RORA: variants seen among roughly 807,000 people sequenced by gnomAD.
The protein encoded by RORA is nuclear receptor ROR-alpha.
A neutral mutation model predicts 69.5 loss-of-function variants in RORA; 7 were observed. The observed-to-expected ratio is 0.10, with a 90% CI of 0.06 to 0.19. The LOEUF is 0.19. RORA is among the 10% of genes least tolerant of loss of function. The pLI, the probability that RORA is intolerant of heterozygous loss-of-function variation, is 1.00. For synonymous variants in RORA, 261 were observed against 240.8 expected (o/e 1.08, Z -0.78); for missense variants, 457 against 663.0 (o/e 0.69, Z 3.41).
At chr15:60,699,806 A>G (rs2070956691) in intron 1 of RORA, among the ~76,000 whole-genome samples, 1 of 152,056 alleles carries the variant, frequency 6.6e-6, no homozygotes. Flanking sequence ...ATGATATTTT[A>G]ATATTTACCA....
At chr15:60,752,126 T>C (rs1041729156) in intron 1 of RORA, among the ~76,000 whole-genome samples, 6 of 151,370 alleles carry the variant, frequency 4.0e-5, no homozygotes, top group Non-Finnish European at 8.8e-5. Flanking sequence ...AATGGGCTAG[T>C]ATGGGAAAGA....
At chr15:60,814,792 C>T (rs577771385) in intron 1 of RORA, among the ~76,000 whole-genome samples, 4 of 152,184 alleles carry the variant, frequency 2.6e-5, no homozygotes, top group Non-Finnish European at 5.9e-5. Flanking sequence ...TACCTATCAG[C>T]TTCTCTCTGT....
intron 1 of RORA, among the ~76,000 whole-genome samples, chr15:61,087,686 A>G (rs1283312230): frequency 6.6e-6 from 1 of 152,226 alleles, no homozygotes; most frequent in African/African-American, 2.4e-5. Context: ...ATCACATTCA[A>G]TTGTCACTAA....
At chr15:60,909,306 T>C (rs556671771) in intron 1 of RORA, among the ~76,000 whole-genome samples, 25 of 152,312 alleles carry the variant, frequency 1.6e-4, no homozygotes, top group Non-Finnish European at 3.5e-4. Flanking sequence ...TGAGCTGTTC[T>C]GAGGAGTCAG....
At chr15:60,862,247 G>C (rs915178589) in intron 1 of RORA, among the ~76,000 whole-genome samples, 2 of 152,230 alleles carry the variant, frequency 1.3e-5, no homozygotes, top group African/African-American at 4.8e-5. Flanking sequence ...ACCTCTTACA[G>C]GTAACAGTAC....
chr15:60,877,449 T>G (rs1481248338), intron 1 of RORA, among the ~76,000 whole-genome samples: 1 of 152,236 alleles, frequency 6.6e-6, no homozygotes, highest in East Asian at 1.9e-4. Flanking sequence ...ACAAATGTTC[T>G]TCCCCTGAGA....
In RORA at chr15:60,542,744, A is replaced by G. The variant is rs139810912; in HGVS notation, c.197-10893T>C. On this transcript the variant is annotated intron_variant, in intron 2 of 10. Transcript: ENST00000335670. Reference sequence around the variant, plus strand: ...ACGGCACACAGGCACACCTCAAACGACACACGGGCACACCTCACACACAAG... The same window carrying G: ...ACGGCACACAGGCACACCTCAAACGGCACACGGGCACACCTCACACACAAG... 5.8e-3 allele frequency among the ~76,000 whole-genome samples: 833 copies of G among 143,856 alleles called. 49 individuals carry two copies. The highest frequency in any genetic ancestry group is 0.023 in the African/African-American group (791 of 34,478). The allele number at this position is 143,856 out of a possible 152,430, so 94.4% of individuals were successfully genotyped here.
At chr15:60,914,946 T>A (rs1459190535) in intron 1 of RORA, among the ~76,000 whole-genome samples, 1 of 152,196 alleles carries the variant, frequency 6.6e-6, no homozygotes, top group African/African-American at 2.4e-5. Flanking sequence ...TTGGGCCAAA[T>A]GCTTCCACCT....
At chr15:60,633,402 TTATAA>T (rs1321255424) in intron 2 of RORA, among the ~76,000 whole-genome samples, 4 of 152,252 alleles carry the variant, frequency 2.6e-5, no homozygotes, top group Admixed American at 1.3e-4. Flanking sequence ...TTTCTTTAAC[TTATAA>T]TATATAGAAA....
chr15:60,652,827 C>T (rs2070164349), intron 2 of RORA, among the ~76,000 whole-genome samples: 1 of 152,178 alleles, frequency 6.6e-6, no homozygotes, highest in Non-Finnish European at 1.5e-5. Flanking sequence ...ACAAATAGGT[C>T]CATTTTTAGA....
intron 1 of RORA, among the ~76,000 whole-genome samples, chr15:60,801,757 G>A (rs1297773070): frequency 6.6e-6 from 1 of 152,182 alleles, no homozygotes; most frequent in Admixed American, 6.5e-5. Flanking sequence ...GTGGTTGTTC[G>A]TGGGCTTTTT....
chr15:61,124,986 A>G (rs1454772580), intron 1 of RORA, among the ~76,000 whole-genome samples: 1 of 152,222 alleles, frequency 6.6e-6, no homozygotes, highest in Non-Finnish European at 1.5e-5. Context: ...CACCCCTGCA[A>G]AAACGCAAAA....
At chr15:60,760,977 G>A (rs536692914) in intron 1 of RORA, among the ~76,000 whole-genome samples, 1 of 152,178 alleles carries the variant, frequency 6.6e-6, no homozygotes, top group African/African-American at 2.4e-5. Context: ...TTTGTATGAC[G>A]CTGCCTAATT....
intron 1 of RORA, among the ~76,000 whole-genome samples, chr15:60,980,159 T>C (rs1418809288): frequency 1.3e-5 from 2 of 152,194 alleles, no homozygotes; most frequent in African/African-American, 4.8e-5. Context: ...CCCTCTTCAT[T>C]GTATTAATAT....
chr15:61,201,127 A>G (rs932834876), intron 1 of RORA, among the ~76,000 whole-genome samples: 4 of 152,172 alleles, frequency 2.6e-5, no homozygotes, highest in South Asian at 2.1e-4. Flanking sequence ...ATTTCTTGGA[A>G]GCTCCACACA....
At chr15:60,587,993 A>C (rs1269590354) in intron 2 of RORA, among the ~76,000 whole-genome samples, 1 of 152,200 alleles carries the variant, frequency 6.6e-6, no homozygotes, top group Non-Finnish European at 1.5e-5. Context: ...AAAAGCTCTG[A>C]CTACGACTCT....
At chr15:61,037,778 G>T (rs1345777132) in intron 1 of RORA, among the ~76,000 whole-genome samples, 1 of 152,180 alleles carries the variant, frequency 6.6e-6, no homozygotes, top group African/African-American at 2.4e-5. Context: ...AAGGCAAGGT[G>T]GCCTGAGATG....
intron 1 of RORA, among the ~76,000 whole-genome samples, chr15:61,050,467 G>A (rs572645372): frequency 1.1e-4 from 17 of 152,166 alleles, no homozygotes; most frequent in African/African-American, 3.6e-4. Flanking sequence ...TTAAAGCATC[G>A]TGACAATAAA....
chr15:60,602,529 T>C (rs1040154564), intron 2 of RORA, among the ~76,000 whole-genome samples: 6 of 152,236 alleles, frequency 3.9e-5, no homozygotes, highest in Non-Finnish European at 5.9e-5. Context: ...GTCACCATGT[T>C]AGATTTAGGC....
Sources: allele counts gnomAD v4.1 joint callset (sites outside exome capture counted in the v4.1 genomes callset), GRCh38; gene constraint gnomAD v4.1.1; transcripts MANE v1.5; gene names NCBI Gene and HGNC (gene_info 2026-07-23, HGNC 2026-07-21).